Variants in TMEM178A observed in about 807,000 individuals in gnomAD.
The protein encoded by TMEM178A is transmembrane protein 178.
Under a neutral mutation model 29.1 loss-of-function variants are expected in TMEM178A, and 12 were observed. That is an observed-to-expected ratio of 0.41 (90% confidence interval 0.26 to 0.67). TMEM178A has a LOEUF of 0.67. Ranked by LOEUF, TMEM178A falls within the 30% of genes least tolerant of loss-of-function variation. The pLI, the probability that TMEM178A is intolerant of heterozygous loss-of-function variation, is 0.29. For missense variants in TMEM178A, 366 were observed against 419.1 expected (o/e 0.87, Z 1.11); for synonymous variants, 210 against 187.2 (o/e 1.12, Z -0.99).
chr2:39,665,876 G>C (rs993528890), upstream of TMEM178A: 3 of 1,118,238 alleles, frequency 2.7e-6, no homozygotes, highest in African/African-American at 5.1e-5. Flanking sequence ...GGGGCAGGTG[G>C]GGGGAAGAGG....
At chr2:39,689,312 G>T (rs1671216577) in intron 1 of TMEM178A, among the ~76,000 whole-genome samples, 1 of 152,170 alleles carries the variant, frequency 6.6e-6, no homozygotes, top group African/African-American at 2.4e-5. Flanking sequence ...GGATCATCAT[G>T]TGGCAAGTAG....
chr2:39,727,560 C>G, the TMEM178A span, among the ~76,000 whole-genome samples: 4 of 152,086 alleles, frequency 2.6e-5, no homozygotes, highest in African/African-American at 9.7e-5. Context: ...ATCCCTGAGA[C>G]TTAGCTTTTT....
chr2:39,684,402 T>C (rs1254876507), intron 1 of TMEM178A, among the ~76,000 whole-genome samples: 2 of 152,240 alleles, frequency 1.3e-5, no homozygotes, highest in Non-Finnish European at 2.9e-5. Context: ...TGTTAAAAGA[T>C]TTGTTTTCAT....
chr2:39,707,143 G>C lies in TMEM178A; in HGVS notation c.609G>C (p.Glu203Asp), dbSNP rs1311440478. ...IVATVSFFWEESLTQHVAGLL... is the reference protein window; with the variant it reads ...IVATVSFFWEDSLTQHVAGLL... ...CCACAGTCAGTTTCTTCTGGGAGGA[G>C]AGCTTGACCCAGCACGTGGCTGGAC... The change falls in exon 3 of 4, where the codon GAG becomes GAC. Residue 203 changes from glutamate to aspartate, a missense_variant. By Grantham distance (45) the Glu-to-Asp change is conservative (BLOSUM62 2). Transcript: ENST00000281961. 6.2e-7 allele frequency: 1 copy of C among 1,614,044 alleles called. No individual in the cohort carries two copies. The highest frequency in any genetic ancestry group is 1.3e-5 in the African/African-American group (1 of 74,926).
At chr2:39,679,595 A>G (rs1670784966) in intron 1 of TMEM178A, among the ~76,000 whole-genome samples, 1 of 152,136 alleles carries the variant, frequency 6.6e-6, no homozygotes, top group African/African-American at 2.4e-5. Context: ...ACTTATCTCC[A>G]TAGGAAGTCA....
At chr2:39,730,818 G>A in the TMEM178A span, among the ~76,000 whole-genome samples, 1 of 152,186 alleles carries the variant, frequency 6.6e-6, no homozygotes, top group African/African-American at 2.4e-5. Flanking sequence ...GCGTAATTAG[G>A]AGTGATATAG....
chr2:39,665,923 T>G lies in TMEM178A; in HGVS notation c.-52T>G. On this transcript the variant is annotated 5_prime_UTR_variant, in exon 1 of 4. Coordinates refer to ENST00000281961, the MANE Select transcript of TMEM178A (RefSeq NM_152390.3). The stretch of plus-strand genomic sequence containing the variant: ...CGGAGAGCTGGGGCCAAGTGCATTG[T>G]GTCTGGCGGCGGCGCGCGAGCCCAC... 3 of 1,335,422 alleles carry G rather than the reference T, an allele frequency of 2.2e-6. No homozygotes were observed. The highest frequency in any genetic ancestry group is 4.0e-5 in the South Asian group (2 of 50,480). 82.7% of individuals were successfully genotyped at this position (1,335,422 alleles called of 1,614,324 possible).
At chr2:39,713,688 T>A (rs564348666) in intron 3 of TMEM178A, among the ~76,000 whole-genome samples, 1 of 152,282 alleles carries the variant, frequency 6.6e-6, no homozygotes, top group East Asian at 1.9e-4. Context: ...AGAAAACAAA[T>A]TTCTGTTGTT....
intron 1 of TMEM178A, among the ~76,000 whole-genome samples, chr2:39,668,217 A>G (rs1558439386): frequency 1.3e-5 from 2 of 152,200 alleles, no homozygotes; most frequent in Non-Finnish European, 2.9e-5. Flanking sequence ...TTGAAGTTGA[A>G]CATCTACTGG....
chr2:39,692,873 C>G (rs1166905167), intron 1 of TMEM178A, among the ~76,000 whole-genome samples: 2 of 152,170 alleles, frequency 1.3e-5, no homozygotes, highest in Admixed American at 1.3e-4. Flanking sequence ...TTGCATGATG[C>G]TTCTTACATA....
intron 1 of TMEM178A, among the ~76,000 whole-genome samples, chr2:39,696,286 C>T (rs1183635846): frequency 6.6e-6 from 1 of 152,134 alleles, no homozygotes; most frequent in East Asian, 1.9e-4. Context: ...GCAGCTGTTG[C>T]CATGTGTCTG....
downstream of TMEM178A, among the ~76,000 whole-genome samples, chr2:39,719,644 T>C (rs1672665699): frequency 1.3e-5 from 2 of 152,248 alleles, no homozygotes; most frequent in Admixed American, 6.5e-5. Context: ...TGAAGAATGA[T>C]TGAAATGATT....
At chr2:39,698,412 T>C (rs540060352) in intron 1 of TMEM178A, among the ~76,000 whole-genome samples, 1 of 152,372 alleles carries the variant, frequency 6.6e-6, no homozygotes, top group South Asian at 2.1e-4. Flanking sequence ...ATCTTTGAGA[T>C]GATCAGGTGG....
chr2:39,687,277 C>T (rs372088002), intron 1 of TMEM178A: 25 of 166,942 alleles, frequency 1.5e-4, no homozygotes, highest in African/African-American at 7.2e-5. Flanking sequence ...TGGGTGGGTA[C>T]GTTCAGGTAG....
intron 1 of TMEM178A, among the ~76,000 whole-genome samples, chr2:39,674,031 T>A (rs1004671227): frequency 2.0e-5 from 3 of 152,120 alleles, no homozygotes; most frequent in African/African-American, 7.2e-5. Flanking sequence ...TTTTTTAAGT[T>A]CTCACAATTT....
At position 39,705,242 on chromosome 2, in the gene TMEM178A, A is replaced by G. The variant is rs530113256; in HGVS notation, c.514+1048A>G. On this transcript the variant is annotated intron_variant, in intron 2 of 3. Coordinates refer to ENST00000281961, the MANE Select transcript of TMEM178A (RefSeq NM_152390.3). ...AATCCTTTTTGGAGTTCTCATGGAA[A>G]GATGCTTTTAGCAGTCTCATGCATG... 5.3e-5 allele frequency among the ~76,000 whole-genome samples: 8 copies of G among 152,222 alleles called. No homozygotes were observed. In the South Asian group the frequency reaches 1.7e-3, roughly 31 times the overall value.
At position 39,666,177 on chromosome 2, in the gene TMEM178A, G is replaced by T; in HGVS notation, c.203G>T (p.Arg68Leu). 6.8e-7 allele frequency: 1 copy of T among 1,472,738 alleles called. No homozygotes were observed. Among genetic ancestry groups the T allele is most frequent in the South Asian group, 1.3e-5 (1 of 76,866 alleles). The allele number at this position is 1,472,738 out of a possible 1,614,324, so 91.2% of individuals were successfully genotyped here. Residue 68 changes from arginine (R) to leucine (L), a missense_variant, in exon 1 of 4, where the codon CGG (arginine) becomes CTG (leucine). Around this residue, in one of 2 missense-constraint regions of TMEM178A, gnomAD observed 247 missense variants for 246.8 expected, o/e 1.00. Coordinates refer to ENST00000281961, the MANE Select transcript of TMEM178A (RefSeq NM_152390.3). Reference protein sequence around the residue: ...RLMPLSHLPLRDSPPLGRRLL... With the variant: ...RLMPLSHLPLLDSPPLGRRLL... ...ATGCCGCTGTCGCACCTGCCGCTGCGGGACTCGCCCCCGCTGGGGCGCCGG... is the reference window on the plus strand; with the variant it reads ...ATGCCGCTGTCGCACCTGCCGCTGCTGGACTCGCCCCCGCTGGGGCGCCGG...
At chr2:39,733,552 C>T in the TMEM178A span, among the ~76,000 whole-genome samples, 2 of 152,126 alleles carry the variant, frequency 1.3e-5, no homozygotes, top group Non-Finnish European at 2.9e-5. Flanking sequence ...CTTCTTTATG[C>T]CTAGTCTATC....
downstream of TMEM178A, among the ~76,000 whole-genome samples, chr2:39,722,640 G>C (rs552419644): frequency 3.3e-5 from 5 of 152,174 alleles, no homozygotes; most frequent in Non-Finnish European, 7.3e-5. Flanking sequence ...GAATGGGAAA[G>C]GCAGATGTCA....
Sources: allele counts gnomAD v4.1 joint callset (sites outside exome capture counted in the v4.1 genomes callset), GRCh38; gene constraint gnomAD v4.1.1; regional missense constraint gnomAD v4.1.1; transcripts MANE v1.5; gene names NCBI Gene and HGNC (gene_info 2026-07-23, HGNC 2026-07-21).